EPDR1: variants seen among roughly 807,000 people sequenced by gnomAD.
EPDR1 encodes mammalian ependymin-related protein 1.
EPDR1 carries 27 observed loss-of-function variants against 23.7 expected under a neutral mutation model. The observed-to-expected ratio is 1.14, with a 90% confidence interval of 0.84 to 1.57. The LOEUF (loss-of-function observed/expected upper bound fraction) is 1.57, where lower values mean the gene tolerates loss of function less well. EPDR1 is among the 40% of genes most tolerant of loss of function. The probability of loss-of-function intolerance (pLI) is 0.00; values close to 1 mark genes in which losing one functional copy is unlikely to be tolerated. For synonymous variants in EPDR1, 137 were observed against 118.2 expected (o/e 1.16, Z -1.03); for missense variants, 349 against 290.4 (o/e 1.20, Z -1.47).
At chr7:37,928,693 CT>C (rs1785867732) in intron 1 of EPDR1, among the ~76,000 whole-genome samples, 1 of 152,130 alleles carries the variant, frequency 6.6e-6, no homozygotes, top group Non-Finnish European at 1.5e-5. Flanking sequence ...CTTCTCCCAC[CT>C]TATTTCCTCT....
intron 1 of EPDR1, among the ~76,000 whole-genome samples, chr7:37,937,725 G>T (rs577189789): frequency 6.6e-6 from 1 of 152,220 alleles, no homozygotes; most frequent in East Asian, 1.9e-4. Context: ...CACCTAAAAA[G>T]TTTCTCAAGT....
chr7:37,944,634 C>T (rs1029119703), intron 1 of EPDR1, among the ~76,000 whole-genome samples: 1 of 152,132 alleles, frequency 6.6e-6, no homozygotes, highest in African/African-American at 2.4e-5. Context: ...TTTATAAAAC[C>T]ATCAGACCTT....
At chr7:37,930,023 C>A (rs1020157270) in intron 1 of EPDR1, among the ~76,000 whole-genome samples, 1 of 152,162 alleles carries the variant, frequency 6.6e-6, no homozygotes. Flanking sequence ...CTCAGTCCCC[C>A]CAAAGAAAGG....
At chr7:37,941,158 T>C (rs182773263) in intron 1 of EPDR1, among the ~76,000 whole-genome samples, 81 of 152,368 alleles carry the variant, frequency 5.3e-4, no homozygotes, top group African/African-American at 1.9e-3. Flanking sequence ...AATAAATCCA[T>C]GAGTCCAGAG....
intron 1 of EPDR1, among the ~76,000 whole-genome samples, chr7:37,946,362 T>C (rs1173110413): frequency 2.0e-5 from 3 of 152,214 alleles, no homozygotes; most frequent in Admixed American, 6.5e-5. Flanking sequence ...TGTAAAAGTG[T>C]TCCTTTTTCT....
At chr7:37,936,803 T>G (rs1786063203) in intron 1 of EPDR1, among the ~76,000 whole-genome samples, 1 of 152,110 alleles carries the variant, frequency 6.6e-6, no homozygotes, top group Non-Finnish European at 1.5e-5. Flanking sequence ...TAAACACCCC[T>G]TTTTTGGAGT....
At chr7:37,939,675 G>A (rs1022199723) in intron 1 of EPDR1, among the ~76,000 whole-genome samples, 4 of 152,152 alleles carry the variant, frequency 2.6e-5, no homozygotes, top group South Asian at 2.1e-4. Flanking sequence ...CACATTTTCC[G>A]TGAACTTTTT....
At chr7:37,921,650 A>G (rs1785709114) in intron 1 of EPDR1, among the ~76,000 whole-genome samples, 1 of 152,236 alleles carries the variant, frequency 6.6e-6, no homozygotes, top group Non-Finnish European at 1.5e-5. Flanking sequence ...TCTAAGAAAT[A>G]CTTTTTGTAT....
In EPDR1 at chr7:37,950,544, C is replaced by G; in HGVS notation, c.*148C>G. 1.3e-6 allele frequency: 1 copy of G among 759,758 alleles called. No homozygotes were observed. The highest frequency in any genetic ancestry group is 2.0e-5 in the South Asian group (1 of 48,936). 47.1% of individuals were successfully genotyped at this position (759,758 alleles called of 1,614,324 possible). A position where few individuals can be genotyped will look rare whatever the true frequency, so the allele number is the denominator to read the frequency against. On this transcript the variant is annotated 3_prime_UTR_variant, in exon 3 of 3. Coordinates refer to ENST00000199448, the MANE Select transcript of EPDR1 (RefSeq NM_017549.5). ...ACATTGATGTGGGGTTTTGATGTGT[C>G]TGATTTTGACTACTCAAGCTCTGTT...
chr7:37,933,760 T>C (rs1002905282), intron 1 of EPDR1, among the ~76,000 whole-genome samples: 4 of 152,236 alleles, frequency 2.6e-5, no homozygotes, highest in Non-Finnish European at 4.4e-5. Flanking sequence ...AGAGATTTTG[T>C]AATGAATTGA....
intron 1 of EPDR1, among the ~76,000 whole-genome samples, chr7:37,928,809 T>C (rs981839594): frequency 6.6e-6 from 1 of 152,168 alleles, no homozygotes; most frequent in African/African-American, 2.4e-5. Flanking sequence ...ACCCTAATTT[T>C]GATATATACT....
At position 37,950,754 on chromosome 7, in the gene EPDR1, T is replaced by A. The variant is rs891348133; in HGVS notation, c.*358T>A. 1.1e-5 allele frequency: 2 copies of A among 186,250 alleles called. No homozygotes were observed. Among genetic ancestry groups the A allele is most frequent in the African/African-American group, 4.7e-5 (2 of 42,810 alleles). 11.5% of individuals were successfully genotyped at this position (186,250 alleles called of 1,614,324 possible). ...AGAAGTTTGCCTTGGCAGCAAGTAT[T>A]TATTGTTGACATTATTCAGAATTAG... On this transcript the variant is annotated 3_prime_UTR_variant, in exon 3 of 3. Coordinates refer to ENST00000199448, the MANE Select transcript of EPDR1 (RefSeq NM_017549.5).
intron 1 of EPDR1, among the ~76,000 whole-genome samples, chr7:37,929,576 T>C (rs1785888718): frequency 6.6e-6 from 1 of 152,344 alleles, no homozygotes; most frequent in Admixed American, 6.5e-5. Flanking sequence ...ATAATAGATA[T>C]GTATTTTCTT....
intron 1 of EPDR1, among the ~76,000 whole-genome samples, chr7:37,945,314 CTT>C (rs577513283): frequency 1.4e-3 from 206 of 152,248 alleles, no homozygotes; most frequent in African/African-American, 4.6e-3. Flanking sequence ...AAAATGCACA[CTT>C]ATATTTCTTT....
chr7:37,932,641 C>T (rs994488834), intron 1 of EPDR1, among the ~76,000 whole-genome samples: 2 of 152,170 alleles, frequency 1.3e-5, no homozygotes, highest in African/African-American at 4.8e-5. Flanking sequence ...TAAATGGCAT[C>T]ATGCTGACCC....
intron 1 of EPDR1, among the ~76,000 whole-genome samples, chr7:37,943,944 A>T (rs1425503378): frequency 6.6e-6 from 1 of 152,184 alleles, no homozygotes; most frequent in Non-Finnish European, 1.5e-5. Context: ...CTGACCAGGC[A>T]TCTGTGGCCC....
intron 1 of EPDR1, among the ~76,000 whole-genome samples, chr7:37,936,029 T>TAC (rs1786043126): frequency 1.0e-5 from 1 of 98,314 alleles, no homozygotes; most frequent in African/African-American, 3.9e-5. Context: ...TATATATATA[T>TAC]ATATATATAT....
At chr7:37,926,478 C>CAAAAAAAAAAA (rs55920283) in intron 1 of EPDR1, among the ~76,000 whole-genome samples, 1 of 120,448 alleles carries the variant, frequency 8.3e-6, no homozygotes, top group African/African-American at 3.1e-5. Context: ...TTCTTCATAG[C>CAAAAAAAAAAA]AAAAAAAAAA....
At chr7:37,937,581 A>G (rs1203872980) in intron 1 of EPDR1, among the ~76,000 whole-genome samples, 4 of 152,188 alleles carry the variant, frequency 2.6e-5, no homozygotes, top group Admixed American at 2.6e-4. Context: ...TAATATATGA[A>G]CACTCCACCA....
Sources: gnomAD v4.1 joint callset for allele counts (sites outside exome capture counted in the v4.1 genomes callset) on GRCh38, gnomAD v4.1.1 for gene constraint, MANE v1.5 for transcripts, NCBI Gene and HGNC (gene_info 2026-07-23, HGNC 2026-07-21) for gene names.